SMPD3: variants seen among roughly 807,000 people sequenced by gnomAD.
The protein encoded by SMPD3 is nSMase-2.
A neutral mutation model predicts 55.7 loss-of-function variants in SMPD3; 21 were observed. The observed-to-expected ratio is 0.38, with a 90% CI of 0.27 to 0.54. The LOEUF is 0.54. SMPD3 is among the 20% of genes least tolerant of loss of function. The pLI, the probability that SMPD3 is intolerant of heterozygous loss-of-function variation, is 0.80. For synonymous variants in SMPD3, 457 were observed against 404.3 expected, an observed-to-expected ratio of 1.13 and a Z score of -1.56; for missense variants, 842 against 899.6, an observed-to-expected ratio of 0.94 and a Z score of 0.82.
intron 1 of SMPD3, among the ~76,000 whole-genome samples, chr16:68,416,506 T>G (rs2090340971): frequency 6.6e-6 from 1 of 152,228 alleles, no homozygotes; most frequent in African/African-American, 2.4e-5. Flanking sequence ...CTAAGGCCGT[T>G]GTTGTCTTCT....
intron 3 of SMPD3, chr16:68,369,343 G>T (rs768413012): frequency 2.0e-5 from 3 of 152,320 alleles, no homozygotes; most frequent in Non-Finnish European, 4.4e-5. Context: ...GGGAGGAGGG[G>T]CTGTCCCAGG....
chr16:68,387,186 A>G (rs1342859680), intron 1 of SMPD3, among the ~76,000 whole-genome samples: 1 of 152,028 alleles, frequency 6.6e-6, no homozygotes, highest in Admixed American at 6.5e-5. Context: ...GATGGGGTGG[A>G]TTAGGGGAGG....
chr16:68,445,269 G>A (rs2090601004), intron 1 of SMPD3, among the ~76,000 whole-genome samples: 1 of 152,256 alleles, frequency 6.6e-6, no homozygotes, highest in African/African-American at 2.4e-5. Flanking sequence ...AACAGGGAAA[G>A]AGGAGAAAAG....
chr16:68,413,270 C>T (rs762126489), intron 1 of SMPD3, among the ~76,000 whole-genome samples: 2 of 152,178 alleles, frequency 1.3e-5, no homozygotes, highest in East Asian at 1.9e-4. Context: ...CTCTGAGAGG[C>T]GAAGGCCCTT....
chr16:68,430,117 C>T (rs1054462741), intron 1 of SMPD3, among the ~76,000 whole-genome samples: 1 of 152,056 alleles, frequency 6.6e-6, no homozygotes, highest in Non-Finnish European at 1.5e-5. Flanking sequence ...AGGCTTCCAG[C>T]ATGAGTGTAG....
chr16:68,390,472 G>T (rs2090101333), intron 1 of SMPD3, among the ~76,000 whole-genome samples: 1 of 152,142 alleles, frequency 6.6e-6, no homozygotes, highest in Admixed American at 6.5e-5. Context: ...ACCAGCCTGG[G>T]TAACATGGTG....
intron 1 of SMPD3, among the ~76,000 whole-genome samples, chr16:68,400,140 C>A (rs1256154272): frequency 6.6e-6 from 1 of 152,240 alleles, no homozygotes; most frequent in Non-Finnish European, 1.5e-5. Context: ...ATCCATCCTG[C>A]CACAGAGCCT....
chr16:68,379,528 TCTC>T (rs2089900288), intron 2 of SMPD3, among the ~76,000 whole-genome samples: 1 of 152,188 alleles, frequency 6.6e-6, no homozygotes, highest in African/African-American at 2.4e-5. Flanking sequence ...GCCTTCAAAG[TCTC>T]CTCCTCTTGA....
chr16:68,426,344 A>T (rs2090435618), intron 1 of SMPD3, among the ~76,000 whole-genome samples: 1 of 152,170 alleles, frequency 6.6e-6, no homozygotes, highest in African/African-American at 2.4e-5. Flanking sequence ...CATTATGGGG[A>T]CTGGAGACTG....
chr16:68,441,552 A>G (rs946971482), intron 1 of SMPD3, among the ~76,000 whole-genome samples: 1 of 152,122 alleles, frequency 6.6e-6, no homozygotes, highest in African/African-American at 2.4e-5. Context: ...TTTAACCTGT[A>G]ATCAATATTA....
Position 68,359,742 on chromosome 16 carries a change from C to T in SMPD3, c.*1464G>A. The T allele has an allele frequency of 6.5e-6, 1 of 152,698 alleles. No individual in the cohort carries two copies. Among genetic ancestry groups the T allele is most frequent in the Non-Finnish European group, 1.5e-5 (1 of 68,102 alleles). The allele number at this position is 152,698 out of a possible 1,614,324, so 9.5% of individuals were successfully genotyped here. Reference sequence around the variant, plus strand: ...GGAGGTCAGCGGGGATTGTCAAAAACAGTCCCTCAAGTTGAGTCTCGAACT... The same window carrying T: ...GGAGGTCAGCGGGGATTGTCAAAAATAGTCCCTCAAGTTGAGTCTCGAACT... On this transcript the variant is annotated 3_prime_UTR_variant, in exon 9 of 9. Coordinates refer to ENST00000219334, the MANE Select transcript of SMPD3 (RefSeq NM_018667.4).
rs138328380 is a variant in SMPD3, at chr16:68,360,832, G to A, written c.*374C>T. The stretch of plus-strand genomic sequence containing the variant: ...ATGCGAGGGTGCAGGCATGCGAGAC[G>A]ACATTGGCAGCAGACAAAAATAAAG... On this transcript the variant is annotated 3_prime_UTR_variant, in exon 9 of 9. Coordinates refer to ENST00000219334, the MANE Select transcript of SMPD3 (RefSeq NM_018667.4). The A allele has an allele frequency of 1.4e-5, 3 of 211,332 alleles. No homozygotes were observed. Among genetic ancestry groups the A allele is most frequent in the Admixed American group, 5.3e-5 (1 of 18,948 alleles). The allele number at this position is 211,332 out of a possible 1,614,324, so 13.1% of individuals were successfully genotyped here. A position where few individuals can be genotyped will look rare whatever the true frequency, so the allele number is the denominator to read the frequency against.
chr16:68,438,206 G>T (rs999037042), intron 1 of SMPD3, among the ~76,000 whole-genome samples: 2 of 152,210 alleles, frequency 1.3e-5, no homozygotes, highest in African/African-American at 2.4e-5. Flanking sequence ...TTTGGGCACT[G>T]CAGCTGTTCT....
Position 68,363,758 on chromosome 16 carries a change from TC to T in SMPD3, c.1645+18del. The T allele has an allele frequency of 1.9e-6, 3 of 1,553,302 alleles. No individual in the cohort carries two copies. Among genetic ancestry groups the T allele is most frequent in the Non-Finnish European group, 2.6e-6 (3 of 1,149,542 alleles). On this transcript the variant is annotated intron_variant, in intron 6 of 8. Transcript: ENST00000219334. The stretch of plus-strand genomic sequence containing the variant: ...GTGGGGAGCCCAGCTCCCATCCTCC[TC>T]CCCCAGCCCCAGCTCACCGATGGCC...
chr16:68,397,774 G>C (rs72792243), intron 1 of SMPD3, among the ~76,000 whole-genome samples: 4 of 152,182 alleles, frequency 2.6e-5, no homozygotes, highest in Non-Finnish European at 5.9e-5. Flanking sequence ...TTGCGGGGGC[G>C]GGGGGTGGTC....
intron 3 of SMPD3, among the ~76,000 whole-genome samples, chr16:68,367,007 C>CA (rs35797796): frequency 0.011 from 1,489 of 129,524 alleles, 13 homozygotes; most frequent in African/African-American, 0.02. Context: ...GACTCTGTCT[C>CA]AAAAAAAAAA....
chr16:68,411,341 C>T (rs1280504687), intron 1 of SMPD3, among the ~76,000 whole-genome samples: 1 of 151,878 alleles, frequency 6.6e-6, no homozygotes, highest in Non-Finnish European at 1.5e-5. Context: ...GCCACACTGC[C>T]TGGCCAGAGC....
At chr16:68,426,270 C>T (rs1198363200) in intron 1 of SMPD3, among the ~76,000 whole-genome samples, 1 of 152,152 alleles carries the variant, frequency 6.6e-6, no homozygotes, top group Non-Finnish European at 1.5e-5. Context: ...ACAGGTGTAC[C>T]CACAAGGAAA....
intron 1 of SMPD3, among the ~76,000 whole-genome samples, chr16:68,417,138 A>G (rs1240550792): frequency 6.6e-6 from 1 of 152,196 alleles, no homozygotes; most frequent in Admixed American, 6.5e-5. Flanking sequence ...AATGATTGGC[A>G]GATGGGGAGG....
Sources: allele counts gnomAD v4.1 joint callset (sites outside exome capture counted in the v4.1 genomes callset), GRCh38; gene constraint gnomAD v4.1.1; transcripts MANE v1.5; gene names NCBI Gene and HGNC (gene_info 2026-07-23, HGNC 2026-07-21).